EBF1: variants seen among roughly 807,000 people sequenced by gnomAD.
The protein encoded by EBF1 is transcription factor COE1.
In EBF1, 10 loss-of-function variants were observed where a neutral mutation model predicts 68.4. The observed-to-expected ratio is 0.15, with a 90% CI of 0.09 to 0.25. The LOEUF is 0.25. Ranked by LOEUF, EBF1 falls within the 10% of genes least tolerant of loss-of-function variation. The pLI is 1.00. For synonymous variants in EBF1, 298 were observed against 299.8 expected (o/e 0.99, Z 0.06); for missense variants, 509 against 794.4 (o/e 0.64, Z 4.32).
chr5:158,712,196 G>A lies in EBF1; in HGVS notation c.1507C>T (p.Pro503Ser), dbSNP rs751648799. 1 of 1,613,832 alleles carries A rather than the reference G, an allele frequency of 6.2e-7. No individual in the cohort carries two copies. The highest frequency in any genetic ancestry group is 1.7e-5 in the Admixed American group (1 of 60,014). ...SAAMSNLGGS[P>S]TFLNGSAANS... ...GCAGCTGAGCCGTTGAGGAAGGTGG[G>A]GGAGCCGCCCAAATTGGACATTGCG... Residue 503 changes from proline (P) to serine (S), a missense_variant, in exon 14 of 16, where the codon CCC becomes TCC. Pro to Ser is a moderately conservative substitution (Grantham distance 74, BLOSUM62 -1). Coordinates refer to ENST00000313708, the MANE Select transcript of EBF1 (RefSeq NM_024007.5).
At chr5:158,818,736 G>A (rs577206973) in intron 8 of EBF1, among the ~76,000 whole-genome samples, 1 of 152,058 alleles carries the variant, frequency 6.6e-6, no homozygotes, top group Non-Finnish European at 1.5e-5. Flanking sequence ...GCCCACAAAA[G>A]CTAAATTTCA....
chr5:158,853,276 C>T (rs1793330563), intron 6 of EBF1, among the ~76,000 whole-genome samples: 1 of 152,166 alleles, frequency 6.6e-6, no homozygotes, highest in African/African-American at 2.4e-5. Context: ...TGATTTAGGC[C>T]TGGCCAGTCA....
intron 6 of EBF1, among the ~76,000 whole-genome samples, chr5:158,891,906 A>G (rs1466326132): frequency 2.6e-5 from 4 of 151,930 alleles, no homozygotes; most frequent in Admixed American, 2.0e-4. Flanking sequence ...TTTAAAAAAT[A>G]TTTATTTATT....
chr5:158,987,745 T>C (rs1330974355), intron 6 of EBF1, among the ~76,000 whole-genome samples: 2 of 152,170 alleles, frequency 1.3e-5, no homozygotes, highest in Non-Finnish European at 2.9e-5. Context: ...GAAAAAGATA[T>C]AAGAACTCTT....
chr5:158,824,982 T>C (rs1200909766), intron 7 of EBF1, among the ~76,000 whole-genome samples: 4 of 152,234 alleles, frequency 2.6e-5, no homozygotes, highest in East Asian at 1.9e-4. Context: ...TAGGAAACAG[T>C]TGAGAGTTCA....
intron 11 of EBF1, among the ~76,000 whole-genome samples, chr5:158,715,155 C>T (rs1260530270): frequency 3.3e-5 from 5 of 152,276 alleles, no homozygotes; most frequent in Middle Eastern, 3.4e-3. Flanking sequence ...GAGAACCAAA[C>T]GTAAGGGTGT....
chr5:158,700,360 C>T (rs1195102020), intron 15 of EBF1, among the ~76,000 whole-genome samples: 1 of 152,218 alleles, frequency 6.6e-6, no homozygotes. Context: ...GTCTTTGGCT[C>T]CCAATCACGG....
chr5:158,993,449 A>T (rs1395187392), intron 6 of EBF1, among the ~76,000 whole-genome samples: 1 of 152,132 alleles, frequency 6.6e-6, no homozygotes, highest in African/African-American at 2.4e-5. Context: ...AAGGGGGAAA[A>T]GTTTCTTAAA....
intron 10 of EBF1, among the ~76,000 whole-genome samples, chr5:158,775,794 A>ATG (rs1435099375): frequency 3.0e-5 from 4 of 135,058 alleles, no homozygotes; most frequent in African/African-American, 1.3e-4. Flanking sequence ...ACACACACAC[A>ATG]CACACACACA....
chr5:158,840,690 G>A (rs1201724197), intron 6 of EBF1, among the ~76,000 whole-genome samples: 1 of 36,830 alleles, frequency 2.7e-5, no homozygotes, highest in African/African-American at 1.2e-4. Context: ...TTTTTTTTTT[G>A]AGACGGAGTC....
At chr5:158,973,505 A>G (rs1036360481) in intron 6 of EBF1, among the ~76,000 whole-genome samples, 5 of 152,052 alleles carry the variant, frequency 3.3e-5, no homozygotes, top group African/African-American at 1.2e-4. Flanking sequence ...TTCATTAGAT[A>G]GGACCAGCAA....
chr5:158,775,114 CT>C (rs1774833731), intron 10 of EBF1, among the ~76,000 whole-genome samples: 2 of 152,016 alleles, frequency 1.3e-5, no homozygotes, highest in East Asian at 3.9e-4. Context: ...TGCTCTTACC[CT>C]TAACTACTTT....
At chr5:158,883,700 G>A (rs1025556168) in intron 6 of EBF1, among the ~76,000 whole-genome samples, 4 of 152,094 alleles carry the variant, frequency 2.6e-5, no homozygotes, top group South Asian at 2.1e-4. Context: ...GGCAGGTTAC[G>A]CAGCTTACTC....
At chr5:158,978,262 C>T (rs895115245) in intron 6 of EBF1, among the ~76,000 whole-genome samples, 3 of 152,228 alleles carry the variant, frequency 2.0e-5, no homozygotes, top group South Asian at 2.1e-4. Flanking sequence ...GGCTGGAAAC[C>T]GATGACGGCA....
chr5:158,952,408 G>A (rs1356423147), intron 6 of EBF1, among the ~76,000 whole-genome samples: 10 of 152,112 alleles, frequency 6.6e-5, no homozygotes, highest in East Asian at 1.9e-4. Flanking sequence ...ACTTTACCTC[G>A]CATCTGAAAA....
At chr5:158,913,486 G>A (rs1017485701) in intron 6 of EBF1, among the ~76,000 whole-genome samples, 1 of 152,110 alleles carries the variant, frequency 6.6e-6, no homozygotes, top group East Asian at 1.9e-4. Context: ...CTGCTTTCTC[G>A]ATCCTAGTGA....
chr5:159,052,341 A>G (rs2420521), intron 6 of EBF1, among the ~76,000 whole-genome samples: 2 of 109,418 alleles, frequency 1.8e-5, no homozygotes, highest in Non-Finnish European at 1.8e-5. Flanking sequence ...ACTCCATTCC[A>G]AAAGATATAG....
At chr5:158,903,951 G>A (rs1352128454) in intron 6 of EBF1, among the ~76,000 whole-genome samples, 1 of 152,134 alleles carries the variant, frequency 6.6e-6, no homozygotes, top group Non-Finnish European at 1.5e-5. Flanking sequence ...GAGGCTCAGA[G>A]TAAAAGACCC....
chr5:158,790,707 T>C (rs774417314), intron 9 of EBF1, among the ~76,000 whole-genome samples: 14 of 152,176 alleles, frequency 9.2e-5, no homozygotes, highest in Non-Finnish European at 1.8e-4. Context: ...CCTGAAGAAC[T>C]AGTCTTCCAT....
Sources: allele counts gnomAD v4.1 joint callset (sites outside exome capture counted in the v4.1 genomes callset), GRCh38; gene constraint gnomAD v4.1.1; transcripts MANE v1.5; gene names NCBI Gene and HGNC (gene_info 2026-07-23, HGNC 2026-07-21).